FBXL13: variants seen among roughly 807,000 people sequenced by gnomAD.
The protein encoded by FBXL13 is F-box and leucine rich repeat protein 13.
A neutral mutation model predicts 83.6 loss-of-function variants in FBXL13; 67 were observed. The observed-to-expected ratio is 0.80, with a 90% CI of 0.66 to 0.98. The LOEUF is 0.98. Ranked by LOEUF, FBXL13 falls within the 50% of genes least tolerant of loss-of-function variation. The pLI, the probability that FBXL13 is intolerant of heterozygous loss-of-function variation, is 0.00. For synonymous variants in FBXL13, 272 were observed against 299.5 expected (o/e 0.91, Z 0.95); for missense variants, 822 against 866.5 (o/e 0.95, Z 0.64).
intron 19 of FBXL13, among the ~76,000 whole-genome samples, chr7:102,815,679 T>C (rs960977966): frequency 3.3e-5 from 5 of 152,060 alleles, no homozygotes; most frequent in Admixed American, 6.6e-5. Context: ...GAGTAAAAGA[T>C]TTGCAAATCC....
intron 5 of FBXL13, among the ~76,000 whole-genome samples, 183 bp downstream of exon 6, chr7:103,027,266 A>G (rs1794030734): frequency 6.6e-6 from 1 of 152,212 alleles, no homozygotes; most frequent in Admixed American, 6.5e-5. Context: ...ATTGCACTCC[A>G]GCCTGGACAA....
chr7:102,983,868 A>G (rs1828597749), intron 6 of FBXL13, among the ~76,000 whole-genome samples: 1 of 152,164 alleles, frequency 6.6e-6, no homozygotes, highest in African/African-American at 2.4e-5. Flanking sequence ...GCTAAAGGAG[A>G]TAAGACTCTC....
chr7:102,826,876 T>C (rs1375046721), intron 18 of FBXL13, among the ~76,000 whole-genome samples: 2 of 146,686 alleles, frequency 1.4e-5, no homozygotes, highest in Non-Finnish European at 3.0e-5. Context: ...AGGGAGAGGC[T>C]CTTAGGAAAT....
intron 2 of FBXL13, among the ~76,000 whole-genome samples, chr7:103,050,242 C>A (rs965199582): frequency 6.6e-6 from 1 of 151,976 alleles, no homozygotes; most frequent in African/African-American, 2.4e-5. Flanking sequence ...CCATTTTGCA[C>A]AAAGAAAAAG....
intron 6 of FBXL13, among the ~76,000 whole-genome samples, chr7:102,998,529 T>C (rs111413366): frequency 6.6e-6 from 1 of 152,236 alleles, no homozygotes; most frequent in Non-Finnish European, 1.5e-5. Flanking sequence ...ATGGGATTGC[T>C]TTCTTGATTT....
At chr7:102,845,527 G>A (rs917150700) in intron 17 of FBXL13, among the ~76,000 whole-genome samples, 3 of 152,108 alleles carry the variant, frequency 2.0e-5, no homozygotes, top group Admixed American at 1.3e-4. Context: ...GCTTGAAAGC[G>A]GGGACACCAC....
At chr7:102,910,490 G>C (rs535415334) in intron 11 of FBXL13, among the ~76,000 whole-genome samples, 151 of 151,946 alleles carry the variant, frequency 9.9e-4, no homozygotes, top group Non-Finnish European at 1.8e-3. Flanking sequence ...CTTCAGCGTG[G>C]CTCGGGCTCC....
intron 1 of FBXL13, among the ~76,000 whole-genome samples, chr7:103,070,677 G>C (rs1563300018): frequency 6.6e-6 from 1 of 152,192 alleles, no homozygotes; most frequent in Admixed American, 6.5e-5. Flanking sequence ...TCTGGCGAAG[G>C]CCTCAGGAAG....
At chr7:102,921,322 T>G (rs114506164) in intron 10 of FBXL13, among the ~76,000 whole-genome samples, 2 of 152,328 alleles carry the variant, frequency 1.3e-5, no homozygotes, top group East Asian at 3.9e-4. Flanking sequence ...GCAACTAATA[T>G]ATCACTATTA....
intron 2 of FBXL13, among the ~76,000 whole-genome samples, chr7:103,045,236 G>A (rs1353654936): frequency 6.6e-6 from 1 of 152,196 alleles, no homozygotes; most frequent in Non-Finnish European, 1.5e-5. Flanking sequence ...TTGAAGTATG[G>A]CTGCTGGGAT....
chr7:102,916,796 G>GGC (rs1308206020), intron 10 of FBXL13, among the ~76,000 whole-genome samples: 1 of 151,036 alleles, frequency 6.6e-6, no homozygotes. Flanking sequence ...TCTTATGGGG[G>GGC]GGGGTGTGAG....
At chr7:102,936,999 A>C (rs1371848747) in intron 8 of FBXL13, among the ~76,000 whole-genome samples, 1 of 152,064 alleles carries the variant, frequency 6.6e-6, no homozygotes, top group African/African-American at 2.4e-5. Flanking sequence ...TCTTCAACTT[A>C]TTGTTGTGTA....
At position 103,003,641 on chromosome 7, in the gene FBXL13, G is replaced by A. The variant is rs189257761; in HGVS notation, c.495+21422C>T. On this transcript the variant is annotated intron_variant, in intron 6 of 19. Coordinates refer to ENST00000313221, the Ensembl canonical transcript of FBXL13. Reference sequence around the variant, plus strand: ...CTGTGGCCCAGACTGGAATGCAGTGGCATGATCTCGGCTCACTGCAACCTC... The same window carrying A: ...CTGTGGCCCAGACTGGAATGCAGTGACATGATCTCGGCTCACTGCAACCTC... 1.4e-4 allele frequency among the ~76,000 whole-genome samples: 21 copies of A among 152,052 alleles called. 1 individual carries two copies. The highest frequency in any genetic ancestry group is 2.6e-4 in the Non-Finnish European group (18 of 67,974).
intron 16 of FBXL13, chr7:102,874,454 T>C (rs749937207): frequency 3.1e-4 from 178 of 579,114 alleles, no homozygotes; most frequent in Non-Finnish European, 3.7e-4. Context: ...ACAATTAGTA[T>C]ACTTCCCCAT....
intron 16 of FBXL13, among the ~76,000 whole-genome samples, chr7:102,866,321 G>T (rs529096790): frequency 6.6e-6 from 1 of 152,228 alleles, no homozygotes; most frequent in Admixed American, 6.5e-5. Flanking sequence ...CTAGAAACAG[G>T]AGACAATGGA....
At chr7:102,846,895 G>C (rs553731489) in intron 17 of FBXL13, among the ~76,000 whole-genome samples, 1 of 152,210 alleles carries the variant, frequency 6.6e-6, no homozygotes, top group South Asian at 2.1e-4. Context: ...CACTGACGGT[G>C]GCTGTCTGCC....
chr7:102,925,158 C>T (rs898908025), intron 10 of FBXL13, among the ~76,000 whole-genome samples: 1 of 152,154 alleles, frequency 6.6e-6, no homozygotes, highest in Non-Finnish European at 1.5e-5. Context: ...CTTTGGGAGG[C>T]CCAAGTGGGC....
chr7:102,888,062 C>T (rs938140070), intron 11 of FBXL13, among the ~76,000 whole-genome samples: 1 of 152,162 alleles, frequency 6.6e-6, no homozygotes, highest in Non-Finnish European at 1.5e-5. Context: ...AATAAATGGC[C>T]CACGACTCTT....
chr7:102,886,318 G>C (rs1273524290), intron 11 of FBXL13, among the ~76,000 whole-genome samples: 1 of 152,152 alleles, frequency 6.6e-6, no homozygotes, highest in Non-Finnish European at 1.5e-5. Context: ...GGACAATGAG[G>C]AGCAGCAGCT....
Sources: allele counts gnomAD v4.1 joint callset (sites outside exome capture counted in the v4.1 genomes callset), GRCh38; gene constraint gnomAD v4.1.1; transcripts MANE v1.5; gene names NCBI Gene and HGNC (gene_info 2026-07-23, HGNC 2026-07-21).